The following SHROOM3 variants were observed in gnomAD, a reference collection of about 807,000 sequenced individuals.
SHROOM3 encodes the protein shroom family member 3, also known as protein Shroom3.
Under a neutral mutation model 138.6 loss-of-function variants are expected in SHROOM3, and 47 were observed. The ratio of observed to expected loss-of-function variants is 0.34; its 90% confidence interval spans 0.27 to 0.43. SHROOM3 has a LOEUF of 0.43. Among genes scored for constraint, SHROOM3 ranks in the 20% least tolerant of loss-of-function variants. The probability of loss-of-function intolerance (pLI) is 1.00; values close to 1 mark genes in which losing one functional copy is unlikely to be tolerated. For missense variants in SHROOM3, 2,491 were observed against 2,596.5 expected (o/e 0.96, Z 0.88); for synonymous variants, 1,062 against 1,063.3 (o/e 1.00, Z 0.02).
At chr4:76,731,192 A>G (rs974445252) in intron 4 of SHROOM3, among the ~76,000 whole-genome samples, 1 of 152,214 alleles carries the variant, frequency 6.6e-6, no homozygotes, top group Non-Finnish European at 1.5e-5. Context: ...TATGGGGTCC[A>G]TCAATTCTCA....
chr4:76,775,813 A>ATG (rs1363937759), intron 10 of SHROOM3, among the ~76,000 whole-genome samples: 17 of 151,592 alleles, frequency 1.1e-4, no homozygotes, highest in African/African-American at 3.4e-4. Context: ...CATACTATAT[A>ATG]TATACACACA....
chr4:76,567,039 C>T (rs970602069), intron 2 of SHROOM3, among the ~76,000 whole-genome samples: 2 of 152,246 alleles, frequency 1.3e-5, no homozygotes, highest in Non-Finnish European at 2.9e-5. Flanking sequence ...TACAGTTTGT[C>T]AGTGCATTTG....
chr4:76,757,551 A>G (rs1194539596), intron 8 of SHROOM3, among the ~76,000 whole-genome samples: 1 of 152,212 alleles, frequency 6.6e-6, no homozygotes, highest in East Asian at 1.9e-4. Context: ...CTTTGTAAGG[A>G]GGAGAGCCTA....
chr4:76,651,883 C>G (rs1037786163), intron 2 of SHROOM3, among the ~76,000 whole-genome samples: 9 of 152,122 alleles, frequency 5.9e-5, no homozygotes, highest in Non-Finnish European at 1.2e-4. Context: ...AAGGAAGCTT[C>G]ACAATGTCCA....
At chr4:76,694,515 C>T (rs1332363932) in intron 2 of SHROOM3, among the ~76,000 whole-genome samples, 1 of 152,122 alleles carries the variant, frequency 6.6e-6, no homozygotes, top group Non-Finnish European at 1.5e-5. Flanking sequence ...ATAGCAAAAA[C>T]AAAATGGTCT....
chr4:76,692,512 G>C (rs2110108605), intron 2 of SHROOM3, among the ~76,000 whole-genome samples: 1 of 152,288 alleles, frequency 6.6e-6, no homozygotes, highest in Non-Finnish European at 1.5e-5. Context: ...TCCACGCCTA[G>C]GTATTTACCC....
At chr4:76,610,725 A>G (rs1361819505) in intron 2 of SHROOM3, among the ~76,000 whole-genome samples, 2 of 152,146 alleles carry the variant, frequency 1.3e-5, no homozygotes, top group Admixed American at 1.3e-4. Context: ...AGCTGTTGGC[A>G]TCCGTGTAGA....
At chr4:76,487,432 A>G (rs750516465) in intron 1 of SHROOM3, among the ~76,000 whole-genome samples, 19 of 152,230 alleles carry the variant, frequency 1.2e-4, no homozygotes, top group Non-Finnish European at 2.1e-4. Flanking sequence ...TTGTGTGGAC[A>G]TAAGCTTTTA....
At chr4:76,483,483 A>G (rs1481790998) in intron 1 of SHROOM3, among the ~76,000 whole-genome samples, 3 of 152,212 alleles carry the variant, frequency 2.0e-5, no homozygotes, top group Non-Finnish European at 4.4e-5. Flanking sequence ...TGATCATTAG[A>G]AAGGCAGGAA....
In SHROOM3 at chr4:76,739,976, C is replaced by T. The variant is rs1721191887; in HGVS notation, c.1803C>T (p.His601=). The T allele has an allele frequency of 6.2e-7, 1 of 1,614,158 alleles. No individual in the cohort carries two copies. The highest frequency in any genetic ancestry group is 8.5e-7 in the Non-Finnish European group (1 of 1,180,046). ...THSNKPSSHP[H]SLKCPQAQAW... ...GTAACAAACCATCTTCTCATCCCCA[C>T]AGCCTCAAATGCCCTCAGGCTCAGG... The change falls in exon 5 of 11, where the codon CAC becomes CAT. Residue 601 remains histidine (H), a synonymous_variant. Transcript: ENST00000296043.
chr4:76,469,458 A>G (rs1030851393), intron 1 of SHROOM3, among the ~76,000 whole-genome samples: 25 of 151,220 alleles, frequency 1.7e-4, no homozygotes, highest in Admixed American at 1.1e-3. Context: ...TTTGTCCCCA[A>G]TTGTCTTTTT....
chr4:76,684,319 T>A (rs1396043972), intron 2 of SHROOM3, among the ~76,000 whole-genome samples: 1 of 152,194 alleles, frequency 6.6e-6, no homozygotes, highest in Admixed American at 6.5e-5. Context: ...TCCTTTGTGT[T>A]CCGTGTCTCC....
chr4:76,734,818 T>A (rs1720986494), intron 4 of SHROOM3, among the ~76,000 whole-genome samples: 1 of 151,134 alleles, frequency 6.6e-6, no homozygotes, highest in Non-Finnish European at 1.5e-5. Flanking sequence ...CTCTTTCACA[T>A]AACCAAAGGG....
intron 2 of SHROOM3, among the ~76,000 whole-genome samples, chr4:76,649,948 A>G (rs1735916629): frequency 6.6e-6 from 1 of 152,216 alleles, no homozygotes; most frequent in Admixed American, 6.5e-5. Context: ...GTAAAGTCCA[A>G]GATCAAGGTG....
At chr4:76,542,048 G>T (rs868529635) in intron 1 of SHROOM3, among the ~76,000 whole-genome samples, 2 of 151,896 alleles carry the variant, frequency 1.3e-5, no homozygotes, top group Non-Finnish European at 1.5e-5. Flanking sequence ...GTGATGAGGA[G>T]GAGGAGGAGG....
intron 2 of SHROOM3, among the ~76,000 whole-genome samples, chr4:76,667,774 C>T (rs1381290746): frequency 1.3e-5 from 2 of 151,088 alleles, no homozygotes; most frequent in African/African-American, 4.9e-5. Flanking sequence ...CGAGACCTTC[C>T]TGGCCAACAC....
chr4:76,576,158 A>C (rs962356531), intron 2 of SHROOM3, among the ~76,000 whole-genome samples: 8 of 152,212 alleles, frequency 5.3e-5, no homozygotes, highest in Admixed American at 6.5e-5. Context: ...TATATACCCC[A>C]AAGAAAGGAA....
At chr4:76,463,753 A>G (rs532709703) in intron 1 of SHROOM3, among the ~76,000 whole-genome samples, 3 of 152,312 alleles carry the variant, frequency 2.0e-5, no homozygotes, top group East Asian at 3.9e-4. Flanking sequence ...CCAAGGCTAA[A>G]TGGGGTCAGG....
At chr4:76,641,318 A>G (rs1408419045) in intron 2 of SHROOM3, among the ~76,000 whole-genome samples, 2 of 152,128 alleles carry the variant, frequency 1.3e-5, no homozygotes, top group Non-Finnish European at 2.9e-5. Flanking sequence ...AGGACTCTCC[A>G]TCTTCTCCCT....
Sources: allele counts gnomAD v4.1 joint callset (sites outside exome capture counted in the v4.1 genomes callset), GRCh38; gene constraint gnomAD v4.1.1; transcripts MANE v1.5; gene names NCBI Gene and HGNC (gene_info 2026-07-23, HGNC 2026-07-21).